The following KCNAB1 variants were observed in gnomAD, a reference collection of about 807,000 sequenced individuals.
The protein encoded by KCNAB1 is potassium voltage-gated channel subfamily A regulatory beta subunit 1.
In KCNAB1, 35 loss-of-function variants were observed where a neutral mutation model predicts 64.6. The observed-to-expected ratio is 0.54, with a 90% CI of 0.41 to 0.72. The LOEUF is 0.72. Ranked by LOEUF, KCNAB1 falls within the 30% of genes least tolerant of loss-of-function variation. The pLI, the probability that KCNAB1 is intolerant of heterozygous loss-of-function variation, is 0.00. For missense variants in KCNAB1, 401 were observed against 512.9 expected (o/e 0.78, Z 2.11); for synonymous variants, 177 against 183.8 (o/e 0.96, Z 0.30).
At chr3:156,446,050 A>C (rs1711524190) in intron 2 of KCNAB1, 1 of 152,248 alleles carries the variant, frequency 6.6e-6, no homozygotes, top group Non-Finnish European at 1.5e-5. Context: ...AAGTGCTAAG[A>C]AACTATGGCT....
intron 2 of KCNAB1, among the ~76,000 whole-genome samples, chr3:156,442,790 CATT>C (rs1240768895): frequency 6.6e-6 from 1 of 152,172 alleles, no homozygotes; most frequent in Non-Finnish European, 1.5e-5. Flanking sequence ...AATCACATCT[CATT>C]GTTGCCCAGC....
intron 1 of KCNAB1, among the ~76,000 whole-genome samples, chr3:156,408,374 C>G (rs1013065734): frequency 2.0e-5 from 3 of 152,142 alleles, no homozygotes; most frequent in Non-Finnish European, 2.9e-5. Flanking sequence ...TGTGCGGGAC[C>G]CTGGCGCATT....
chr3:156,372,090 C>T (rs1449554594), intron 1 of KCNAB1, among the ~76,000 whole-genome samples: 1 of 152,078 alleles, frequency 6.6e-6, no homozygotes, highest in Non-Finnish European at 1.5e-5. Context: ...TTACTGGTCT[C>T]AGGCAAACCA....
At chr3:156,297,259 C>CTTTT (rs71141704) in intron 1 of KCNAB1, among the ~76,000 whole-genome samples, 2 of 96,470 alleles carry the variant, frequency 2.1e-5, no homozygotes, top group Non-Finnish European at 2.3e-5. Context: ...TTGAGGTTGG[C>CTTTT]TTTTTTTTTT....
At position 156,207,844 on chromosome 3, in the gene KCNAB1, A is replaced by G. The variant is rs150520251; in HGVS notation, c.275+86958A>G. 2.0e-4 allele frequency among the ~76,000 whole-genome samples: 30 copies of G among 152,316 alleles called. No individual in the cohort carries two copies. The Middle Eastern group carries it at 0.01, about 52-fold the overall frequency. The stretch of plus-strand genomic sequence containing the variant: ...ACAACCAGAACTATTTCTGTTTAAT[A>G]TATAGAGAATGAGAGGAAATCAAGT... On this transcript the variant is annotated intron_variant, in intron 1 of 13. Coordinates refer to ENST00000490337, the MANE Select transcript of KCNAB1 (RefSeq NM_172160.3).
At chr3:156,273,035 C>T (rs1325423008) in intron 1 of KCNAB1, among the ~76,000 whole-genome samples, 3 of 151,920 alleles carry the variant, frequency 2.0e-5, no homozygotes, top group Non-Finnish European at 4.4e-5. Context: ...GGGGGCCTTG[C>T]ACCTCTGCCT....
intron 1 of KCNAB1, among the ~76,000 whole-genome samples, chr3:156,255,022 G>A (rs1043718017): frequency 6.6e-6 from 1 of 152,104 alleles, no homozygotes; most frequent in Admixed American, 6.6e-5. Flanking sequence ...TTTCCCTGCC[G>A]AGTTGACTAT....
At chr3:156,345,703 CTT>C (rs1482653955) in intron 1 of KCNAB1, among the ~76,000 whole-genome samples, 2 of 152,296 alleles carry the variant, frequency 1.3e-5, no homozygotes, top group African/African-American at 4.8e-5. Flanking sequence ...GGCAGAAACT[CTT>C]TCAGAAGCAA....
chr3:156,315,404 C>CT, intron 1 of KCNAB1, among the ~76,000 whole-genome samples: 1 of 152,312 alleles, frequency 6.6e-6, no homozygotes, highest in East Asian at 1.9e-4. Context: ...TTTGGGAGCC[C>CT]ATCTGTCCAC....
At chr3:156,233,451 G>A (rs564211028) in intron 1 of KCNAB1, among the ~76,000 whole-genome samples, 56 of 152,242 alleles carry the variant, frequency 3.7e-4, no homozygotes, top group South Asian at 8.3e-4. Context: ...GCAATGAGGT[G>A]GGTGAGGCTG....
chr3:156,262,053 T>G (rs1358442848), intron 1 of KCNAB1, among the ~76,000 whole-genome samples: 2 of 151,996 alleles, frequency 1.3e-5, no homozygotes, highest in Non-Finnish European at 2.9e-5. Context: ...TGATCTTATA[T>G]TCTGTGATCT....
At chr3:156,491,949 A>G (rs989455988) in intron 8 of KCNAB1, among the ~76,000 whole-genome samples, 3 of 152,138 alleles carry the variant, frequency 2.0e-5, no homozygotes, top group Non-Finnish European at 4.4e-5. Context: ...TCTGGAATGT[A>G]ATTTGGCTAA....
intron 1 of KCNAB1, among the ~76,000 whole-genome samples, chr3:156,261,883 A>T (rs1347327783): frequency 1.3e-5 from 2 of 152,024 alleles, no homozygotes; most frequent in Non-Finnish European, 2.9e-5. Context: ...CATTATTTAG[A>T]TCTTTAATTG....
At chr3:156,465,534 G>A in intron 6 of KCNAB1, 109 bp from the exon 7 acceptor site, 1 of 929,364 alleles carries the variant, frequency 1.1e-6, no homozygotes, top group Non-Finnish European at 1.7e-6. Flanking sequence ...CTCCAGTGGT[G>A]TAGAATTTGA....
intron 1 of KCNAB1, among the ~76,000 whole-genome samples, chr3:156,227,253 G>A (rs1160292242): frequency 6.6e-6 from 1 of 152,128 alleles, no homozygotes; most frequent in Non-Finnish European, 1.5e-5. Context: ...TTTACAACGT[G>A]AACTCCTTTT....
chr3:156,406,941 C>A (rs967716962), intron 1 of KCNAB1, among the ~76,000 whole-genome samples: 1 of 152,172 alleles, frequency 6.6e-6, no homozygotes, highest in East Asian at 1.9e-4. Context: ...GGAGTGTGAC[C>A]TGGCCCCAAG....
At chr3:156,455,993 A>C (rs1712399489) in intron 3 of KCNAB1, 1 of 152,346 alleles carries the variant, frequency 6.6e-6, no homozygotes, top group Admixed American at 6.5e-5. Context: ...AGGTGAAGTC[A>C]GCTTTGCCTG....
At chr3:156,154,419 C>T (rs945040363) in intron 1 of KCNAB1, among the ~76,000 whole-genome samples, 4 of 152,072 alleles carry the variant, frequency 2.6e-5, no homozygotes, top group East Asian at 3.9e-4. Flanking sequence ...GTCATCATCT[C>T]ATTGTAGCAG....
At chr3:156,136,296 A>G (rs1714344678) in intron 1 of KCNAB1, among the ~76,000 whole-genome samples, 1 of 152,222 alleles carries the variant, frequency 6.6e-6, no homozygotes, top group South Asian at 2.1e-4. Flanking sequence ...ACAACACCCT[A>G]TTAGGTAATA....
Sources: allele counts gnomAD v4.1 joint callset (sites outside exome capture counted in the v4.1 genomes callset), GRCh38; gene constraint gnomAD v4.1.1; transcripts MANE v1.5; gene names NCBI Gene and HGNC (gene_info 2026-07-23, HGNC 2026-07-21).